The following TDRD3 variants were observed in gnomAD, a reference collection of about 807,000 sequenced individuals.
TDRD3 encodes tudor domain containing 3, also known as tudor domain-containing protein 3.
TDRD3 carries 45 observed loss-of-function variants against 86.7 expected under a neutral mutation model. That is an observed-to-expected ratio of 0.52 (90% confidence interval 0.41 to 0.67). The LOEUF (loss-of-function observed/expected upper bound fraction) is 0.67, where lower values mean the gene tolerates loss of function less well. Ranked by LOEUF, TDRD3 falls within the 30% of genes least tolerant of loss-of-function variation. TDRD3 has a pLI of 0.00. For synonymous variants in TDRD3, 298 were observed against 301.7 expected (o/e 0.99, Z 0.13); for missense variants, 814 against 889.0 (o/e 0.92, Z 1.07).
At chr13:60,458,304 G>A (rs1238636950) in intron 3 of TDRD3, among the ~76,000 whole-genome samples, 1 of 152,114 alleles carries the variant, frequency 6.6e-6, no homozygotes, top group Non-Finnish European at 1.5e-5. Context: ...CACTTTGTGA[G>A]CAATAGTGAG....
intron 4 of TDRD3, among the ~76,000 whole-genome samples, chr13:60,464,966 G>T (rs1955886803): frequency 6.6e-6 from 1 of 152,114 alleles, no homozygotes; most frequent in Admixed American, 6.6e-5. Flanking sequence ...GCAAAGAAAA[G>T]ATAAATGTTT....
At chr13:60,416,700 T>C (rs1954525650) in intron 1 of TDRD3, among the ~76,000 whole-genome samples, 1 of 152,236 alleles carries the variant, frequency 6.6e-6, no homozygotes, top group African/African-American at 2.4e-5. Flanking sequence ...TTTGCTAAAG[T>C]ACCAGTGACC....
At chr13:60,473,726 A>T (rs1021184438) in intron 5 of TDRD3, among the ~76,000 whole-genome samples, 3 of 152,346 alleles carry the variant, frequency 2.0e-5, no homozygotes, top group South Asian at 2.1e-4. Flanking sequence ...AGAAGACAAG[A>T]GTGTGAGCCC....
chr13:60,412,986 A>G (rs762541837), intron 1 of TDRD3, among the ~76,000 whole-genome samples: 1 of 151,992 alleles, frequency 6.6e-6, no homozygotes, highest in African/African-American at 2.4e-5. Context: ...GTTATTTTCA[A>G]CTTGCTTTTT....
chr13:60,472,352 A>C (rs1956090738), intron 5 of TDRD3, among the ~76,000 whole-genome samples: 1 of 152,188 alleles, frequency 6.6e-6, no homozygotes, highest in Non-Finnish European at 1.5e-5. Context: ...TACCATCTTA[A>C]CCATCTTAGA....
intron 12 of TDRD3, among the ~76,000 whole-genome samples, chr13:60,548,252 C>G (rs2137885458): frequency 6.6e-6 from 1 of 152,296 alleles, no homozygotes; most frequent in South Asian, 2.1e-4. Flanking sequence ...CTCAGCCAAA[C>G]TAAACTTAAA....
intron 7 of TDRD3, among the ~76,000 whole-genome samples, chr13:60,493,525 T>C (rs185067919): frequency 3.3e-5 from 5 of 151,972 alleles, no homozygotes; most frequent in African/African-American, 1.2e-4. Flanking sequence ...AGCCGGGTGG[T>C]AGTGGCACAT....
intron 10 of TDRD3, among the ~76,000 whole-genome samples, 183 bp downstream of exon 10, chr13:60,510,938 G>T (rs114471860): frequency 6.3e-4 from 96 of 151,946 alleles, no homozygotes; most frequent in African/African-American, 2.2e-3. Flanking sequence ...CATAATGGCA[G>T]CTTATTTTGC....
upstream of TDRD3, among the ~76,000 whole-genome samples, chr13:60,395,801 C>T (rs1250283480): frequency 6.6e-6 from 1 of 152,014 alleles, no homozygotes; most frequent in African/African-American, 2.4e-5. Flanking sequence ...ATATGATGGC[C>T]GATGACTATA....
At position 60,397,373 on chromosome 13, in the gene TDRD3, G is replaced by A. The variant is rs1245031610; in HGVS notation, c.9G>A (p.Gln3=). MA[Q]VAGAALSQAG... The stretch of plus-strand genomic sequence containing the variant: ...CGGCCTAAGCAGCTACCATGGCCCA[G>A]GTGGCCGGCGCGGCGTTGTCCCAGG... Residue 3 remains glutamine, a synonymous_variant, in exon 1 of 14, where the codon CAG becomes CAA. Coordinates refer to ENST00000377881, the MANE Select transcript of TDRD3 (RefSeq NM_001146070.2). 6.7e-7 allele frequency: 1 copy of A among 1,490,180 alleles called. No individual in the cohort carries two copies. Among genetic ancestry groups the A allele is most frequent in the African/African-American group, 1.4e-5 (1 of 70,206 alleles). The allele number at this position is 1,490,180 out of a possible 1,614,324, so 92.3% of individuals were successfully genotyped here.
chr13:60,463,211 A>G (rs1167019730), intron 4 of TDRD3, among the ~76,000 whole-genome samples: 1 of 152,054 alleles, frequency 6.6e-6, no homozygotes, highest in Non-Finnish European at 1.5e-5. Context: ...AGCTGGGCGA[A>G]CATGGTGAAA....
At chr13:60,518,160 T>G (rs1372390342) in intron 10 of TDRD3, among the ~76,000 whole-genome samples, 1 of 152,190 alleles carries the variant, frequency 6.6e-6, no homozygotes, top group Non-Finnish European at 1.5e-5. Context: ...CTGCCTCCTC[T>G]GAGACAGTGA....
rs187883981 is a variant in TDRD3, at chr13:60,410,564, A to G, written c.41+13159A>G. ...GTGCTGAGAGTGCAAGTTGATATTC[A>G]GGGGCCTCTACTCCTAGGAATTGGC... On this transcript the variant is annotated intron_variant, in intron 1 of 13. Coordinates refer to ENST00000377881, the MANE Select transcript of TDRD3 (RefSeq NM_001146070.2). Among the ~76,000 whole-genome samples the G allele has an allele frequency of 3.0e-4, 46 of 152,274 alleles. No homozygotes were observed. The East Asian group carries it at 6.9e-3, about 23-fold the overall frequency.
Position 60,397,277 on chromosome 13 carries a change from T to C in TDRD3, c.-88T>C, listed in dbSNP as rs1050678585. 375 of 716,100 alleles carry C rather than the reference T, an allele frequency of 5.2e-4. 1 individual carries two copies. Among genetic ancestry groups the C allele is most frequent in the Middle Eastern group, 9.0e-4 (2 of 2,214 alleles). The allele number at this position is 716,100 out of a possible 1,614,324, so 44.4% of individuals were successfully genotyped here. A position where few individuals can be genotyped will look rare whatever the true frequency, so the allele number is the denominator to read the frequency against. ...GGAGTTTTTTCTTTTCTTTTCTTTT[T>C]TTTTTTTTAAGGGGGGGGGTCTCAA... On this transcript the variant is annotated 5_prime_UTR_variant, in exon 1 of 14. Transcript: ENST00000377881.
chr13:60,404,525 T>C (rs933430568), intron 1 of TDRD3, among the ~76,000 whole-genome samples: 2 of 151,894 alleles, frequency 1.3e-5, no homozygotes, highest in Non-Finnish European at 2.9e-5. Context: ...TTAGCCGGGA[T>C]GGTCTCGATC....
chr13:60,483,641 C>G, intron 5 of TDRD3, 134 bp from the exon 6 acceptor site: 25 of 672,502 alleles, frequency 3.7e-5, no homozygotes, highest in South Asian at 5.4e-5. Flanking sequence ...GTTTGAAATA[C>G]TTCATGGAAG....
At chr13:60,522,620 T>C (rs1260175253) in intron 10 of TDRD3, among the ~76,000 whole-genome samples, 1 of 152,186 alleles carries the variant, frequency 6.6e-6, no homozygotes, top group Non-Finnish European at 1.5e-5. Flanking sequence ...TAAAAAGCTA[T>C]GTAGTCTTTC....
At chr13:60,449,715 T>C (rs1955491745) in intron 3 of TDRD3, among the ~76,000 whole-genome samples, 1 of 152,122 alleles carries the variant, frequency 6.6e-6, no homozygotes, top group African/African-American at 2.4e-5. Flanking sequence ...ATTTATTAAA[T>C]GTTTTAAAAA....
intron 1 of TDRD3, 126 bp downstream of exon 1, chr13:60,397,531 CCGGGCCCTT>C (rs1953956030): frequency 1.4e-6 from 1 of 724,368 alleles, no homozygotes; most frequent in Admixed American, 4.5e-5. Context: ...CGGCCTCTCC[CCGGGCCCTT>C]CGGGCCGGCT....
Sources: allele counts gnomAD v4.1 joint callset (sites outside exome capture counted in the v4.1 genomes callset), GRCh38; gene constraint gnomAD v4.1.1; transcripts MANE v1.5; gene names NCBI Gene and HGNC (gene_info 2026-07-23, HGNC 2026-07-21).